MOB3B: variants seen among roughly 807,000 people sequenced by gnomAD.
MOB3B encodes MOB kinase activator 3B.
In MOB3B, 7 loss-of-function variants were observed where a neutral mutation model predicts 18.7. The ratio of observed to expected loss-of-function variants is 0.37; its 90% CI spans 0.21 to 0.70. MOB3B has a LOEUF of 0.70. Among genes scored for constraint, MOB3B ranks in the 30% least tolerant of loss-of-function variants. MOB3B has a pLI of 0.52. For missense variants in MOB3B, 253 were observed against 281.3 expected, an observed-to-expected ratio of 0.90 and a Z score of 0.72; for synonymous variants, 111 against 99.9, an observed-to-expected ratio of 1.11 and a Z score of -0.66.
At chr9:27,396,876 A>T (rs1563858465) in intron 2 of MOB3B, 1 of 152,238 alleles carries the variant, frequency 6.6e-6, no homozygotes, top group Non-Finnish European at 1.5e-5. Context: ...CATCCACGTT[A>T]ACCCTCTTCA....
chr9:27,524,544 C>T lies in MOB3B; in HGVS notation c.-199+5011G>A, dbSNP rs779848842. ...AGAAAACATAGCTTTTGAGTTGCCC[C>T]AAGAGTTTCTGCAATACACCCAACC... On this transcript the variant is annotated intron_variant, in intron 1 of 3. Coordinates refer to ENST00000262244, the MANE Select transcript of MOB3B (RefSeq NM_024761.5). 103 of 1,613,918 alleles carry T rather than the reference C, an allele frequency of 6.4e-5. 3 individuals are homozygous for T. The South Asian group carries it at 1.0e-3, about 16-fold the overall frequency.
intron 1 of MOB3B, among the ~76,000 whole-genome samples, chr9:27,484,330 G>A (rs1439341147): frequency 6.6e-6 from 1 of 152,128 alleles, no homozygotes; most frequent in Non-Finnish European, 1.5e-5. Context: ...GCAGCCCCCT[G>A]TCTGCCATGT....
chr9:27,439,784 T>C (rs1433597875), intron 2 of MOB3B, among the ~76,000 whole-genome samples: 1 of 145,842 alleles, frequency 6.9e-6, no homozygotes, highest in Non-Finnish European at 1.5e-5. Context: ...CACAGATGTC[T>C]CTGGCATAGC....
intron 3 of MOB3B, among the ~76,000 whole-genome samples, chr9:27,344,115 A>C (rs1381094087): frequency 1.3e-5 from 2 of 152,186 alleles, no homozygotes; most frequent in Non-Finnish European, 2.9e-5. Flanking sequence ...GGAAAAAAAA[A>C]ACATAGCTAT....
At chr9:27,461,373 AG>A (rs768737615) in intron 1 of MOB3B, among the ~76,000 whole-genome samples, 1 of 152,246 alleles carries the variant, frequency 6.6e-6, no homozygotes, top group East Asian at 1.9e-4. Flanking sequence ...CTTTGCCCAC[AG>A]GACAACCCCA....
chr9:27,334,418 A>G (rs1014066086), intron 3 of MOB3B, among the ~76,000 whole-genome samples: 10 of 152,356 alleles, frequency 6.6e-5, no homozygotes, highest in Admixed American at 3.3e-4. Context: ...ATCATATTTC[A>G]CTTTAGAAAT....
chr9:27,403,802 A>G (rs1821923404), intron 2 of MOB3B, among the ~76,000 whole-genome samples: 1 of 152,078 alleles, frequency 6.6e-6, no homozygotes. Context: ...TTTAATTGTT[A>G]TGGATACATA....
At chr9:27,386,518 T>A (rs1157023509) in intron 2 of MOB3B, among the ~76,000 whole-genome samples, 1 of 152,252 alleles carries the variant, frequency 6.6e-6, no homozygotes, top group African/African-American at 2.4e-5. Flanking sequence ...AATTTTTTTC[T>A]TCACATGCTA....
At chr9:27,425,294 G>T (rs1445897828) in intron 2 of MOB3B, among the ~76,000 whole-genome samples, 1 of 151,118 alleles carries the variant, frequency 6.6e-6, no homozygotes, top group Non-Finnish European at 1.5e-5. Context: ...AGAATCGCTT[G>T]AACCCAGGAG....
intron 1 of MOB3B, among the ~76,000 whole-genome samples, chr9:27,492,426 T>C (rs558077186): frequency 5.3e-5 from 8 of 152,216 alleles, no homozygotes; most frequent in South Asian, 4.1e-4. Context: ...CTGAGCAAAA[T>C]GTATTCCACA....
At chr9:27,350,413 T>A (rs1270948498) in intron 3 of MOB3B, among the ~76,000 whole-genome samples, 1 of 152,070 alleles carries the variant, frequency 6.6e-6, no homozygotes, top group African/African-American at 2.4e-5. Flanking sequence ...ATGAGAGACA[T>A]CTTCAACTAT....
intron 3 of MOB3B, among the ~76,000 whole-genome samples, chr9:27,332,530 C>T (rs901798077): frequency 2.0e-5 from 3 of 152,126 alleles, no homozygotes; most frequent in African/African-American, 7.2e-5. Flanking sequence ...GGTGGTTATA[C>T]CATTGCATCT....
At chr9:27,359,339 C>G (rs17768560) in intron 2 of MOB3B, 103 bp from the exon 3 acceptor site, 3 of 880,014 alleles carry the variant, frequency 3.4e-6, no homozygotes, top group Non-Finnish European at 5.2e-6. Flanking sequence ...TACAGGGAGA[C>G]TGGCACCCGT....
chr9:27,397,842 G>A (rs1821824351), intron 2 of MOB3B, among the ~76,000 whole-genome samples: 1 of 152,150 alleles, frequency 6.6e-6, no homozygotes, highest in African/African-American at 2.4e-5. Context: ...CACATTTGGG[G>A]CCAAATAATT....
At position 27,517,878 on chromosome 9, in the gene MOB3B, C is replaced by T. The variant is rs1319392066; in HGVS notation, c.-199+11677G>A. On this transcript the variant is annotated intron_variant, in intron 1 of 3. Coordinates refer to ENST00000262244, the MANE Select transcript of MOB3B (RefSeq NM_024761.5). Reference sequence around the variant, plus strand: ...CTTAATTTCAGACATGGGAAAAAGTCTAGCATCTCTCAGGAAACCCATTCC... The same window carrying T: ...CTTAATTTCAGACATGGGAAAAAGTTTAGCATCTCTCAGGAAACCCATTCC... Among the ~76,000 whole-genome samples the T allele has an allele frequency of 2.0e-5, 3 of 152,042 alleles. No individual in the cohort carries two copies. In the East Asian group the frequency reaches 5.8e-4, roughly 29 times the overall value.
rs1821237657 is a variant in MOB3B, at chr9:27,359,250, A to G, written c.419-14T>C. On this transcript the variant is annotated splice_polypyrimidine_tract_variant and intron_variant, in intron 2 of 3. Transcript: ENST00000262244. ...GGAAGGGAACACCTAGAGAAGAAAA[A>G]AAGAAGAAAGAATGAAACCATGATG... The G allele has an allele frequency of 6.2e-7, 1 of 1,609,668 alleles. No homozygotes were observed. Among genetic ancestry groups the G allele is most frequent in the Non-Finnish European group, 8.5e-7 (1 of 1,176,092 alleles).
intron 3 of MOB3B, among the ~76,000 whole-genome samples, chr9:27,332,427 G>A (rs539657262): frequency 4.3e-4 from 66 of 152,298 alleles, no homozygotes; most frequent in African/African-American, 1.5e-3. Flanking sequence ...CAGAATTTTA[G>A]CTTTATAACT....
chr9:27,512,806 C>G (rs1471884117), intron 1 of MOB3B, among the ~76,000 whole-genome samples: 1 of 152,072 alleles, frequency 6.6e-6, no homozygotes, highest in Admixed American at 6.5e-5. Context: ...GATTATATTC[C>G]ATTATGATTT....
intron 3 of MOB3B, among the ~76,000 whole-genome samples, chr9:27,335,906 T>C (rs938801884): frequency 9.8e-5 from 15 of 152,316 alleles, no homozygotes; most frequent in Non-Finnish European, 1.8e-4. Context: ...AGAAAACCTA[T>C]CTGGTATTTG....
Sources: gnomAD v4.1 joint callset for allele counts (sites outside exome capture counted in the v4.1 genomes callset) on GRCh38, gnomAD v4.1.1 for gene constraint, MANE v1.5 for transcripts, NCBI Gene and HGNC (gene_info 2026-07-23, HGNC 2026-07-21) for gene names.